Variants in MYLK observed in about 807,000 individuals in gnomAD.
MYLK encodes the protein myosin light chain kinase.
MYLK carries 106 observed loss-of-function variants against 203.4 expected under a neutral mutation model. The ratio of observed to expected loss-of-function variants is 0.52; its 90% CI spans 0.45 to 0.61. The LOEUF is 0.61. Among genes scored for constraint, MYLK ranks in the 20% least tolerant of loss-of-function variants. The pLI is 0.00. For synonymous variants in MYLK, 867 were observed against 959.5 expected (o/e 0.90, Z 1.78); for missense variants, 2,072 against 2,442.3 (o/e 0.85, Z 3.20).
In MYLK at chr3:123,737,539, T is replaced by C. The variant is rs201835018; in HGVS notation, c.593A>G (p.Asn198Ser). ...ACGGGCACTCGGCTGCAGTGGAACA[T>C]TTCCCTGTGGATGGCAATGGGGTAA... The part of the protein sequence containing the change: ...PQPQVTWLKG[N>S]VPLQPSARVS... The change falls in exon 8 of 34, where the codon AAT (asparagine) becomes AGT (serine). Residue 198 changes from asparagine (N) to serine (S), a missense_variant. Around this residue, in one of 3 missense-constraint regions of MYLK, gnomAD observed 683 missense variants for 643.8 expected, o/e 1.06. Transcript: ENST00000360304. 51 of 1,614,032 alleles carry C rather than the reference T, an allele frequency of 3.2e-5. No homozygotes were observed. The highest frequency in any genetic ancestry group is 1.6e-4 in the Middle Eastern group (1 of 6,084).
At chr3:123,665,027 T>C (rs1289857668) in intron 22 of MYLK, among the ~76,000 whole-genome samples, 6 of 152,150 alleles carry the variant, frequency 3.9e-5, no homozygotes, top group African/African-American at 1.4e-4. Flanking sequence ...ATGAAAGTAT[T>C]CTAGAATTAG....
In MYLK at chr3:123,732,957, G is replaced by A; in HGVS notation, c.1455C>T (p.Tyr485=). Residue 485 remains tyrosine, a synonymous_variant, in exon 11 of 34, where the codon TAC becomes TAT. Coordinates refer to ENST00000360304, the MANE Select transcript of MYLK (RefSeq NM_053025.4). The stretch of plus-strand genomic sequence containing the variant: ...CTTGGGCGTTGGAAGCAGTGCAGCT[G>A]TATGTCCCACTGTCCCTGGTCCGGG... ...LKARTRDSGT[Y]SCTASNAQGQ... The A allele has an allele frequency of 6.2e-7, 1 of 1,614,192 alleles. No individual in the cohort carries two copies. Among genetic ancestry groups the A allele is most frequent in the South Asian group, 1.1e-5 (1 of 91,076 alleles).
At chr3:123,702,076 G>GCCC in intron 16 of MYLK, among the ~76,000 whole-genome samples, 1 of 152,316 alleles carries the variant, frequency 6.6e-6, no homozygotes, top group Non-Finnish European at 1.5e-5. Context: ...TACATGAGTG[G>GCCC]CCCTTTCTCT....
Position 123,614,118 on chromosome 3 carries a change from TCTTCCCCTTCCC to T in MYLK, c.5720_5731del (p.Gly1907_Glu1910del), listed in dbSNP as rs781353257. The T allele has an allele frequency of 1.2e-6, 2 of 1,613,660 alleles. No individual in the cohort carries two copies. Among genetic ancestry groups the T allele is most frequent in the African/African-American group, 1.3e-5 (1 of 74,838 alleles). ...TCTGGCTTTGTTTCACTCTTCTTCCTCTTCCCCTTCCCCTTCACCTTCCTCCATCGTTTCCAC... is the reference window on the plus strand; with the variant it reads ...TCTGGCTTTGTTTCACTCTTCTTCCTCTTCACCTTCCTCCATCGTTTCCAC... On this transcript the variant is annotated inframe_deletion, in exon 34 of 34. Transcript: ENST00000360304.
intron 11 of MYLK, among the ~76,000 whole-genome samples, chr3:123,731,209 G>A (rs1336705457): frequency 1.3e-5 from 2 of 152,180 alleles, no homozygotes; most frequent in Admixed American, 6.5e-5. Context: ...AAATGGCATG[G>A]ATAATATTTC....
chr3:123,653,614 C>T (rs1253322290), intron 24 of MYLK, among the ~76,000 whole-genome samples: 1 of 152,124 alleles, frequency 6.6e-6, no homozygotes, highest in Non-Finnish European at 1.5e-5. Context: ...GAGGGTTCAG[C>T]GGGCTGATGG....
intron 4 of MYLK, among the ~76,000 whole-genome samples, chr3:123,792,805 A>G (rs1297907369): frequency 6.6e-6 from 1 of 152,132 alleles, no homozygotes; most frequent in Non-Finnish European, 1.5e-5. Flanking sequence ...AACATCCCCA[A>G]CAATCTTCTG....
chr3:123,860,554 G>A (rs1342865179), intron 2 of MYLK, among the ~76,000 whole-genome samples: 1 of 152,190 alleles, frequency 6.6e-6, no homozygotes, highest in Non-Finnish European at 1.5e-5. Context: ...ACTTCAGGAG[G>A]TTGAATAGGA....
At chr3:123,736,325 CAA>C (rs1233146775) in intron 8 of MYLK, among the ~76,000 whole-genome samples, 14 of 152,136 alleles carry the variant, frequency 9.2e-5, no homozygotes, top group Admixed American at 8.5e-4. Context: ...AAAAAAGTAA[CAA>C]GAGCAAAGAT....
chr3:123,665,145 T>C (rs529129007), intron 22 of MYLK, among the ~76,000 whole-genome samples: 3 of 152,380 alleles, frequency 2.0e-5, no homozygotes, highest in Admixed American at 2.0e-4. Context: ...ACAAAGCTGC[T>C]ATAACAATTT....
Position 123,708,902 on chromosome 3 carries a change from CAGG to C in MYLK, c.1943-10_1943-8del, listed in dbSNP as rs760559347. 6 of 1,613,406 alleles carry C rather than the reference CAGG, an allele frequency of 3.7e-6. No individual in the cohort carries two copies. The highest frequency in any genetic ancestry group is 4.2e-6 in the Non-Finnish European group (5 of 1,179,444). On this transcript the variant is annotated splice_region_variant and splice_polypyrimidine_tract_variant and intron_variant, in intron 14 of 33. Transcript: ENST00000360304. Reference sequence around the variant, plus strand: ...ACTTCAGGGGGTGGATTCCCTGAACCAGGAGGAGGGGAAGGGGGATTGGTTAGG... The same window carrying C: ...ACTTCAGGGGGTGGATTCCCTGAACCAGGAGGGGAAGGGGGATTGGTTAGG...
At chr3:123,826,929 C>T (rs1049588803) in intron 3 of MYLK, among the ~76,000 whole-genome samples, 14 of 152,146 alleles carry the variant, frequency 9.2e-5, no homozygotes, top group African/African-American at 3.1e-4. Flanking sequence ...TCTTTCTCTA[C>T]AAAGCCTACT....
intron 2 of MYLK, among the ~76,000 whole-genome samples, chr3:123,846,773 T>C (rs1233631745): frequency 6.6e-6 from 1 of 152,198 alleles, no homozygotes; most frequent in African/African-American, 2.4e-5. Context: ...TTTCTCCATT[T>C]ATTAAGGATC....
intron 1 of MYLK, among the ~76,000 whole-genome samples, chr3:123,881,752 G>C (rs2033554654): frequency 6.6e-6 from 1 of 152,142 alleles, no homozygotes; most frequent in Non-Finnish European, 1.5e-5. Flanking sequence ...CATTCTCAAA[G>C]ACACTGAGTA....
intron 33 of MYLK, chr3:123,617,116 C>A (rs2057544737): frequency 6.6e-6 from 1 of 152,184 alleles, no homozygotes. Flanking sequence ...GCCCTGCACC[C>A]TCAGTGCAAA....
chr3:123,866,693 T>C (rs943028831), intron 2 of MYLK, among the ~76,000 whole-genome samples: 4 of 152,116 alleles, frequency 2.6e-5, no homozygotes, highest in Non-Finnish European at 4.4e-5. Context: ...TACCACATTG[T>C]CCCCTCCCCA....
intron 13 of MYLK, among the ~76,000 whole-genome samples, chr3:123,719,586 G>A (rs1016316047): frequency 2.6e-5 from 4 of 152,288 alleles, no homozygotes; most frequent in East Asian, 3.9e-4. Context: ...TCACAGTACC[G>A]CGACTGTCAG....
intron 23 of MYLK, among the ~76,000 whole-genome samples, chr3:123,657,646 GC>G (rs1385098883): frequency 2.6e-5 from 4 of 152,144 alleles, no homozygotes; most frequent in African/African-American, 9.7e-5. Context: ...TCCAAAAAAG[GC>G]CCCCTCGCTT....
intron 2 of MYLK, among the ~76,000 whole-genome samples, chr3:123,842,677 A>G (rs1186078266): frequency 6.6e-6 from 1 of 152,250 alleles, no homozygotes; most frequent in South Asian, 2.1e-4. Flanking sequence ...CCAATATCTT[A>G]TCTCTCTGAA....
Sources: allele counts gnomAD v4.1 joint callset (sites outside exome capture counted in the v4.1 genomes callset), GRCh38; gene constraint gnomAD v4.1.1; regional missense constraint gnomAD v4.1.1; transcripts MANE v1.5; gene names NCBI Gene and HGNC (gene_info 2026-07-23, HGNC 2026-07-21).